The following HS3ST4 variants were observed in gnomAD, a reference collection of about 807,000 sequenced individuals.
The protein encoded by HS3ST4 is heparan sulfate glucosamine 3-O-sulfotransferase 4.
Under a neutral mutation model 29.2 loss-of-function variants are expected in HS3ST4, and 17 were observed. That is an observed-to-expected ratio of 0.58 (90% confidence interval 0.40 to 0.87). HS3ST4 has a LOEUF of 0.87. Ranked by LOEUF, HS3ST4 falls within the 40% of genes least tolerant of loss-of-function variation. HS3ST4 has a pLI of 0.00. For missense variants in HS3ST4, 627 were observed against 634.5 expected (o/e 0.99, Z 0.13); for synonymous variants, 314 against 285.7 (o/e 1.10, Z -1.00).
intron 1 of HS3ST4, among the ~76,000 whole-genome samples, chr16:25,737,905 CTTTTT>C (rs11314900): frequency 6.4e-5 from 8 of 125,822 alleles, no homozygotes; most frequent in Admixed American, 8.0e-5. Flanking sequence ...CCTGTAGCTT[CTTTTT>C]TTTTTTTTTT....
intron 1 of HS3ST4, among the ~76,000 whole-genome samples, chr16:25,831,538 C>T (rs962407685): frequency 2.6e-5 from 4 of 151,852 alleles, no homozygotes; most frequent in Non-Finnish European, 5.9e-5. Flanking sequence ...CTGCAATGAA[C>T]TATGACCATG....
chr16:25,956,400 C>T (rs1388114387), intron 1 of HS3ST4, among the ~76,000 whole-genome samples: 1 of 152,108 alleles, frequency 6.6e-6, no homozygotes, highest in East Asian at 1.9e-4. Flanking sequence ...ATTTAGGGGA[C>T]AAGACAAGGA....
chr16:25,737,606 AG>A (rs1320099259), intron 1 of HS3ST4, among the ~76,000 whole-genome samples: 1 of 152,096 alleles, frequency 6.6e-6, no homozygotes, highest in Non-Finnish European at 1.5e-5. Context: ...GGAGAGTGGG[AG>A]GGGGGTGAGA....
intron 1 of HS3ST4, among the ~76,000 whole-genome samples, chr16:25,872,810 A>G (rs1315789768): frequency 1.3e-5 from 2 of 152,208 alleles, no homozygotes. Flanking sequence ...TGCATCTATA[A>G]GAGTAAGAGA....
At chr16:25,940,029 T>C (rs895973777) in intron 1 of HS3ST4, among the ~76,000 whole-genome samples, 1 of 152,120 alleles carries the variant, frequency 6.6e-6, no homozygotes, top group Admixed American at 6.5e-5. Flanking sequence ...TTGGTTCTTA[T>C]GCACCCACAT....
intron 1 of HS3ST4, among the ~76,000 whole-genome samples, chr16:25,775,518 A>G (rs1404032268): frequency 6.6e-6 from 1 of 152,150 alleles, no homozygotes; most frequent in African/African-American, 2.4e-5. Flanking sequence ...TAAAGCCTTT[A>G]TGATCCCAGG....
At chr16:25,738,562 G>A (rs1966628262) in intron 1 of HS3ST4, among the ~76,000 whole-genome samples, 2 of 152,174 alleles carry the variant, frequency 1.3e-5, no homozygotes, top group Admixed American at 6.5e-5. Flanking sequence ...GGTGTCAGGA[G>A]TTGCTGAATG....
intron 1 of HS3ST4, among the ~76,000 whole-genome samples, chr16:25,939,400 T>C (rs1968551765): frequency 6.6e-6 from 1 of 151,600 alleles, no homozygotes; most frequent in African/African-American, 2.4e-5. Flanking sequence ...TGCAATGGCA[T>C]GATCTTGGGT....
chr16:25,856,086 C>G (rs748041235), intron 1 of HS3ST4, among the ~76,000 whole-genome samples: 9 of 152,062 alleles, frequency 5.9e-5, no homozygotes, highest in African/African-American at 9.7e-5. Context: ...CACAAGGGAC[C>G]TTCCTCTGCT....
In HS3ST4 at chr16:26,120,889, G is replaced by C. The variant is rs554775403; in HGVS notation, c.735-14723G>C. On this transcript the variant is annotated intron_variant, in intron 1 of 1. Transcript: ENST00000331351. ...ACCTCACTATTGGCACAGGTCCTAA[G>C]ATTACATTCTCTGAGAATACACAAT... Among the ~76,000 whole-genome samples the C allele has an allele frequency of 9.8e-5, 15 of 152,308 alleles. No individual in the cohort carries two copies. The South Asian group carries it at 3.1e-3, about 32-fold the overall frequency.
At chr16:26,103,557 C>T (rs1398600905) in intron 1 of HS3ST4, among the ~76,000 whole-genome samples, 1 of 152,188 alleles carries the variant, frequency 6.6e-6, no homozygotes, top group Non-Finnish European at 1.5e-5. Context: ...CTACTCCCTA[C>T]AGCCCAAGGT....
At chr16:26,038,207 C>T (rs570632839) in intron 1 of HS3ST4, among the ~76,000 whole-genome samples, 1 of 152,220 alleles carries the variant, frequency 6.6e-6, no homozygotes, top group East Asian at 1.9e-4. Flanking sequence ...ATGCTCTTCC[C>T]CGATTGCCCC....
chr16:25,936,811 G>T (rs116130946), intron 1 of HS3ST4, among the ~76,000 whole-genome samples: 11 of 152,332 alleles, frequency 7.2e-5, no homozygotes, highest in African/African-American at 2.6e-4. Context: ...GCAGAAAACT[G>T]TGGGACTCTA....
intron 1 of HS3ST4, among the ~76,000 whole-genome samples, chr16:25,733,409 C>A (rs986425913): frequency 6.6e-6 from 1 of 152,140 alleles, no homozygotes; most frequent in Non-Finnish European, 1.5e-5. Flanking sequence ...CCTCTGTATT[C>A]AGGTCTGTGG....
intron 1 of HS3ST4, among the ~76,000 whole-genome samples, chr16:25,832,918 G>A (rs1967319313): frequency 6.6e-6 from 1 of 152,200 alleles, no homozygotes; most frequent in South Asian, 2.1e-4. Flanking sequence ...TTCTGAATGT[G>A]AATGGTCTGG....
intron 1 of HS3ST4, among the ~76,000 whole-genome samples, chr16:25,894,870 C>A (rs1384141629): frequency 6.6e-6 from 1 of 152,180 alleles, no homozygotes; most frequent in Non-Finnish European, 1.5e-5. Context: ...TCCATATTTA[C>A]CTCCACTATG....
chr16:25,972,654 T>C (rs955987825), intron 1 of HS3ST4, among the ~76,000 whole-genome samples: 3 of 152,206 alleles, frequency 2.0e-5, no homozygotes, highest in East Asian at 3.9e-4. Flanking sequence ...GCCCAGGCTT[T>C]TGTTACCTAA....
chr16:25,842,024 C>A (rs1967418756), intron 1 of HS3ST4, among the ~76,000 whole-genome samples: 1 of 152,190 alleles, frequency 6.6e-6, no homozygotes, highest in Non-Finnish European at 1.5e-5. Flanking sequence ...CCAGCCCTAC[C>A]ACTACAAAAA....
chr16:25,699,972 TCTC>T (rs1286434200), intron 1 of HS3ST4, among the ~76,000 whole-genome samples: 1 of 152,152 alleles, frequency 6.6e-6, no homozygotes, highest in Non-Finnish European at 1.5e-5. Flanking sequence ...CTCTTACTCT[TCTC>T]CTTCATTTTC....
Sources: gnomAD v4.1 joint callset for allele counts (sites outside exome capture counted in the v4.1 genomes callset) on GRCh38, gnomAD v4.1.1 for gene constraint, MANE v1.5 for transcripts, NCBI Gene and HGNC (gene_info 2026-07-23, HGNC 2026-07-21) for gene names.